The following SYNPR variants were observed in gnomAD, a reference collection of about 807,000 sequenced individuals.
The protein encoded by SYNPR is synaptoporin.
Under a neutral mutation model 32.9 loss-of-function variants are expected in SYNPR, and 23 were observed. That is an observed-to-expected ratio of 0.70 (90% CI 0.50 to 0.99). The LOEUF is 0.99. Among genes scored for constraint, SYNPR ranks in the 50% least tolerant of loss-of-function variants. The pLI is 0.00. For synonymous variants in SYNPR, 146 were observed against 135.9 expected (o/e 1.07, Z -0.52); for missense variants, 318 against 349.3 (o/e 0.91, Z 0.71).
chr3:63,569,453 A>G (rs573171102), intron 4 of SYNPR, among the ~76,000 whole-genome samples: 21 of 152,298 alleles, frequency 1.4e-4, no homozygotes, highest in African/African-American at 4.8e-4. Context: ...CCCAAAAAAG[A>G]CCTACAAAGA....
intron 2 of SYNPR, among the ~76,000 whole-genome samples, chr3:63,441,919 A>T (rs2107160666): frequency 6.6e-6 from 1 of 152,284 alleles, no homozygotes; most frequent in Non-Finnish European, 1.5e-5. Flanking sequence ...TCCCACTCAC[A>T]GCTCTATGAG....
At chr3:63,238,859 T>G (rs2086217332) in intron 1 of SYNPR, among the ~76,000 whole-genome samples, 1 of 152,154 alleles carries the variant, frequency 6.6e-6, no homozygotes, top group Admixed American at 6.6e-5. Flanking sequence ...GGTAATTCGG[T>G]ATAACTGTAT....
chr3:63,509,912 C>A (rs146581238), intron 3 of SYNPR, among the ~76,000 whole-genome samples: 6 of 151,970 alleles, frequency 3.9e-5, no homozygotes, highest in Admixed American at 1.3e-4. Context: ...TACTAGTATG[C>A]GAGATAGAAT....
chr3:63,437,359 G>A (rs1004338288), intron 2 of SYNPR, among the ~76,000 whole-genome samples: 10 of 152,162 alleles, frequency 6.6e-5, no homozygotes, highest in African/African-American at 2.2e-4. Flanking sequence ...CAATTTTATC[G>A]GTTAGGGCAA....
At chr3:63,225,137 G>C (rs1273533541), upstream of SYNPR, among the ~76,000 whole-genome samples, 1 of 152,216 alleles carries the variant, frequency 6.6e-6, no homozygotes, top group East Asian at 1.9e-4. Context: ...CAATTGCAGG[G>C]ATGTGAGATA....
chr3:63,528,135 A>G (rs1201134133), intron 3 of SYNPR, among the ~76,000 whole-genome samples: 1 of 152,158 alleles, frequency 6.6e-6, no homozygotes, highest in Non-Finnish European at 1.5e-5. Flanking sequence ...CTTTCTCTGA[A>G]TCAAAAAGCA....
chr3:63,479,446 G>GCGCACA (rs6147854), intron 2 of SYNPR, among the ~76,000 whole-genome samples: 3,177 of 135,828 alleles, frequency 0.023, 99 homozygotes, highest in East Asian at 0.13. Context: ...CCACACACAT[G>GCGCACA]CACACACACA....
At chr3:63,479,446 G>GCGCACACACACA (rs6147854) in intron 2 of SYNPR, among the ~76,000 whole-genome samples, 1 of 135,742 alleles carries the variant, frequency 7.4e-6, no homozygotes, top group African/African-American at 3.0e-5. Context: ...CCACACACAT[G>GCGCACACACACA]CACACACACA....
chr3:63,393,496 C>CTTTTTTTTTTTTTTTTTTTTT lies in SYNPR; in HGVS notation c.85-87335_85-87315dup, dbSNP rs71631152. Among the ~76,000 whole-genome samples, 16 of 84,506 alleles carry CTTTTTTTTTTTTTTTTTTTTT rather than the reference C, an allele frequency of 1.9e-4. 1 individual carries two copies. Among genetic ancestry groups the CTTTTTTTTTTTTTTTTTTTTT allele is most frequent in the African/African-American group, 2.3e-4 (4 of 17,628 alleles). 55.4% of individuals were successfully genotyped at this position (84,506 alleles called of 152,430 possible). ...CCTTCCTTCCTTCTTTCTTTCTTCT[C>CTTTTTTTTTTTTTTTTTTTTT]TTTTTTTTTTTTTTTTTTTTTGACA... On this transcript the variant is annotated intron_variant, in intron 2 of 5. Transcript: ENST00000478300.
intron 3 of SYNPR, among the ~76,000 whole-genome samples, chr3:63,538,350 G>T (rs1437360695): frequency 6.6e-6 from 1 of 151,744 alleles, no homozygotes; most frequent in African/African-American, 2.4e-5. Flanking sequence ...TACGTTTTGT[G>T]AATGGAAGGA....
chr3:63,574,165 G>A (rs1050852515), intron 4 of SYNPR, among the ~76,000 whole-genome samples: 3 of 152,170 alleles, frequency 2.0e-5, no homozygotes, highest in Admixed American at 6.6e-5. Context: ...TATTTGGGGA[G>A]CAAGTCCCTT....
intron 3 of SYNPR, among the ~76,000 whole-genome samples, chr3:63,539,722 G>A (rs1331910759): frequency 1.3e-5 from 2 of 152,120 alleles, no homozygotes; most frequent in Non-Finnish European, 2.9e-5. Flanking sequence ...GAAAGACATG[G>A]GGTAAGCGAG....
At chr3:63,453,085 C>T (rs553665308) in intron 2 of SYNPR, among the ~76,000 whole-genome samples, 13 of 152,106 alleles carry the variant, frequency 8.5e-5, no homozygotes, top group Non-Finnish European at 1.3e-4. Context: ...CCATCCCGAC[C>T]TATTGAGTAT....
chr3:63,272,222 T>A (rs898661660), intron 3 of SYNPR, among the ~76,000 whole-genome samples: 8 of 152,188 alleles, frequency 5.3e-5, no homozygotes, highest in Non-Finnish European at 8.8e-5. Context: ...CATTAATTCC[T>A]TTTTGCTAAG....
chr3:63,340,580 C>T (rs971475626), intron 2 of SYNPR, among the ~76,000 whole-genome samples: 11 of 151,306 alleles, frequency 7.3e-5, no homozygotes, highest in African/African-American at 1.9e-4. Context: ...CCACTACGCC[C>T]GGCTAATTTT....
At chr3:63,204,774 C>G in the SYNPR span, among the ~76,000 whole-genome samples, 4 of 152,104 alleles carry the variant, frequency 2.6e-5, no homozygotes, top group African/African-American at 9.7e-5. Context: ...ACCTCCACCT[C>G]CTAGGTTCAA....
rs71126590 is a variant in SYNPR, at chr3:63,265,241, C to CTTTTTTTTTTTTTTTTT, written n.155-2066_155-2050dup. Among the ~76,000 whole-genome samples, 26 of 102,198 alleles carry CTTTTTTTTTTTTTTTTT rather than the reference C, an allele frequency of 2.5e-4. 3 individuals carry two copies. Among genetic ancestry groups the CTTTTTTTTTTTTTTTTT allele is most frequent in the East Asian group, 1.2e-3 (3 of 2,496 alleles). The allele number at this position is 102,198 out of a possible 152,430, so 67.0% of individuals were successfully genotyped here. ...TGGCAATTTGGTTTCTAATGACATTCTTTTTTTTTTTTTTTTTTTTTTTTT... is the reference window on the plus strand; with the variant it reads ...TGGCAATTTGGTTTCTAATGACATTCTTTTTTTTTTTTTTTTTTTTTTTTTTTTTTTTTTTTTTTTTT... On this transcript the variant is annotated intron_variant and non_coding_transcript_variant, in intron 2 of 4. Coordinates refer to the SYNPR transcript ENST00000478456.
At chr3:63,588,264 T>G (rs1292805889) in intron 4 of SYNPR, among the ~76,000 whole-genome samples, 3 of 152,042 alleles carry the variant, frequency 2.0e-5, no homozygotes, top group African/African-American at 7.2e-5. Context: ...TTTTGTTCGG[T>G]TGATGAGAAA....
At chr3:63,527,126 A>T (rs1409273666) in intron 3 of SYNPR, among the ~76,000 whole-genome samples, 4 of 152,192 alleles carry the variant, frequency 2.6e-5, no homozygotes, top group Admixed American at 2.6e-4. Flanking sequence ...GGCAATCTAG[A>T]CTGAGGGACA....
Sources: allele counts gnomAD v4.1 joint callset (sites outside exome capture counted in the v4.1 genomes callset), GRCh38; gene constraint gnomAD v4.1.1; transcripts MANE v1.5; gene names NCBI Gene and HGNC (gene_info 2026-07-23, HGNC 2026-07-21).